GPR174: variants seen among roughly 807,000 people sequenced by gnomAD.
GPR174 encodes G protein-coupled receptor 174.
Under a neutral mutation model 16.5 loss-of-function variants are expected in GPR174, and 8 were observed. That is an observed-to-expected ratio of 0.48 (90% CI 0.28 to 0.87). GPR174 has a LOEUF of 0.87. Ranked by LOEUF, GPR174 falls within the 40% of genes least tolerant of loss-of-function variation. The pLI, the probability that GPR174 is intolerant of heterozygous loss-of-function variation, is 0.09. For missense variants in GPR174, 214 were observed against 247.5 expected (o/e 0.86, Z 0.91); for synonymous variants, 111 against 94.8 (o/e 1.17, Z -0.99).
intron 2 of GPR174, among the ~76,000 whole-genome samples, chrX:79,158,825 T>C (rs1303604498): frequency 9.3e-6 from 1 of 107,738 alleles, no homozygotes; most frequent in Non-Finnish European, 1.9e-5. Context: ...ACCTACTATT[T>C]GATAGCACAG....
rs1921610110 is a variant in GPR174, at chrX:79,175,101, A to G, written c.*3092A>G. On this transcript the variant is annotated 3_prime_UTR_variant, in exon 3 of 3. Transcript: ENST00000645147. ...AAGCAGCCAATTCTGTTAGCTGGTA[A>G]TTCCACAAAGAGAAGCCATCTGCCC... 9.0e-6 allele frequency: 1 copy of G among 111,183 alleles called. No individual in the cohort carries two copies. The highest frequency in any genetic ancestry group is 3.3e-5 in the African/African-American group (1 of 30,589). The allele number at this position is 111,183 out of a possible 1,213,427, so 9.2% of individuals were successfully genotyped here.
At chrX:79,161,880 G>A (rs956277487) in intron 2 of GPR174, among the ~76,000 whole-genome samples, 1 of 111,489 alleles carries the variant, frequency 9.0e-6, no homozygotes, top group African/African-American at 3.3e-5. Context: ...AAGAAGTGTG[G>A]TCTACTCCAT....
chrX:79,164,401 GTCAT>G lies in GPR174; in HGVS notation c.-556-6050_-556-6047del, dbSNP rs767565631. Among the ~76,000 whole-genome samples the G allele has an allele frequency of 6.6e-3, 744 of 112,034 alleles. 2 individuals carry two copies. Among genetic ancestry groups the G allele is most frequent in the South Asian group, 0.014 (37 of 2,675 alleles). Reference sequence around the variant, plus strand: ...GGTGGCTTGTGCCAGACACAGAGTTGTCATCACTGGTGGAAGATTACTTAAAGAG... The same window carrying G: ...GGTGGCTTGTGCCAGACACAGAGTTGCACTGGTGGAAGATTACTTAAAGAG... On this transcript the variant is annotated intron_variant, in intron 2 of 2. Transcript: ENST00000645147.
At chrX:79,165,724 C>T (rs1370391136) in intron 2 of GPR174, among the ~76,000 whole-genome samples, 3 of 111,019 alleles carry the variant, frequency 2.7e-5, no homozygotes, top group South Asian at 3.9e-4. Flanking sequence ...GGTCTTTCTA[C>T]CAGACCCCAT....
At chrX:79,149,065 T>G (rs957634425) in intron 1 of GPR174, among the ~76,000 whole-genome samples, 3 of 112,122 alleles carry the variant, frequency 2.7e-5, no homozygotes, top group Non-Finnish European at 5.6e-5. Context: ...TTTTTACAAT[T>G]AAATATTATG....
At chrX:79,158,444 TTTTC>T (rs147823029) in intron 2 of GPR174, among the ~76,000 whole-genome samples, 42,890 of 93,687 alleles carry the variant, frequency 0.46, 8,198 homozygotes, top group Non-Finnish European at 0.55. Context: ...CTTTCTTTCT[TTTTC>T]TTTTTTTTTT....
At chrX:79,151,239 C>T (rs1926594837) in intron 1 of GPR174, among the ~76,000 whole-genome samples, 1 of 111,324 alleles carries the variant, frequency 9.0e-6, no homozygotes, top group Admixed American at 9.6e-5. Flanking sequence ...GGGCAAGATG[C>T]CTTACATCAT....
chrX:79,158,859 T>A (rs2147452931), intron 2 of GPR174, among the ~76,000 whole-genome samples: 1 of 108,043 alleles, frequency 9.3e-6, no homozygotes, highest in South Asian at 4.0e-4. Context: ...GTCAATAACT[T>A]AATTGTACAT....
intron 1 of GPR174, among the ~76,000 whole-genome samples, chrX:79,149,556 T>A (rs1438632968): frequency 8.9e-6 from 1 of 112,002 alleles, no homozygotes; most frequent in African/African-American, 3.2e-5. Flanking sequence ...AGTAATACCT[T>A]TCTCTCTGAA....
intron 2 of GPR174, among the ~76,000 whole-genome samples, chrX:79,169,003 G>A (rs1197247681): frequency 1.8e-5 from 2 of 111,330 alleles, no homozygotes; most frequent in African/African-American, 3.3e-5. Context: ...ACTAAGTAAA[G>A]CTTCAGATTT....
At position 79,172,692 on chromosome X, in the gene GPR174, A is replaced by G. The variant is rs979052724; in HGVS notation, c.*683A>G. 2.7e-5 allele frequency: 3 copies of G among 111,817 alleles called. No individual in the cohort carries two copies. The highest frequency in any genetic ancestry group is 9.8e-5 in the African/African-American group (3 of 30,704). The allele number at this position is 111,817 out of a possible 1,213,427, so 9.2% of individuals were successfully genotyped here. A position where few individuals can be genotyped will look rare whatever the true frequency, so the allele number is the denominator to read the frequency against. Reference sequence around the variant, plus strand: ...AACAATATACATATTTACATACGACAACCCTCTGTGACTGGAAAAGATGCC... The same window carrying G: ...AACAATATACATATTTACATACGACGACCCTCTGTGACTGGAAAAGATGCC... On this transcript the variant is annotated 3_prime_UTR_variant, in exon 3 of 3. Coordinates refer to ENST00000645147, the MANE Select transcript of GPR174 (RefSeq NM_032553.3).
rs1926467126 is a variant in GPR174, at chrX:79,145,012, TTC to T, written c.-857_-856del. On this transcript the variant is annotated 5_prime_UTR_variant, in exon 1 of 3. Coordinates refer to ENST00000645147, the MANE Select transcript of GPR174 (RefSeq NM_032553.3). ...TTTCTTTCTCTCTCTCTCTCTTTCTTTCTTTCTTTCTTTCTTTCTTTCTTTCT... is the reference window on the plus strand; with the variant it reads ...TTTCTTTCTCTCTCTCTCTCTTTCTTTTTCTTTCTTTCTTTCTTTCTTTCT... 1 of 19,334 alleles carries T rather than the reference TTC, an allele frequency of 5.2e-5. No homozygotes were observed. The highest frequency in any genetic ancestry group is 8.6e-5 in the Non-Finnish European group (1 of 11,684). 1.6% of individuals were successfully genotyped at this position (19,334 alleles called of 1,213,427 possible). A position where few individuals can be genotyped will look rare whatever the true frequency, so the allele number is the denominator to read the frequency against.
intron 1 of GPR174, among the ~76,000 whole-genome samples, chrX:79,150,886 A>T (rs893173104): frequency 1.8e-5 from 2 of 111,053 alleles, no homozygotes; most frequent in African/African-American, 6.6e-5. Flanking sequence ...ATGATTTCGG[A>T]TTTTGGACGT....
At chrX:79,163,517 T>A (rs1328971187) in intron 2 of GPR174, among the ~76,000 whole-genome samples, 1 of 111,721 alleles carries the variant, frequency 9.0e-6, no homozygotes, top group African/African-American at 3.3e-5. Context: ...GTTTCCTAGA[T>A]GATTTGTAAC....
chrX:79,165,709 T>C (rs1021125674), intron 2 of GPR174, among the ~76,000 whole-genome samples: 17 of 111,302 alleles, frequency 1.5e-4, no homozygotes, highest in Admixed American at 1.1e-3. Flanking sequence ...TTCCATTCCA[T>C]GCTTGGTCTT....
At chrX:79,148,496 A>G (rs1307145828) in intron 1 of GPR174, among the ~76,000 whole-genome samples, 1 of 111,572 alleles carries the variant, frequency 9.0e-6, no homozygotes, top group Admixed American at 9.5e-5. Context: ...AGCTAATCAC[A>G]TGTTACCAGA....
intron 2 of GPR174, among the ~76,000 whole-genome samples, chrX:79,170,056 C>T (rs1466549856): frequency 8.9e-6 from 1 of 111,783 alleles, no homozygotes; most frequent in East Asian, 2.8e-4. Context: ...TTAACCTTCC[C>T]CAGATGATTC....
At chrX:79,150,503 T>C (rs1271669113) in intron 1 of GPR174, among the ~76,000 whole-genome samples, 3 of 111,981 alleles carry the variant, frequency 2.7e-5, no homozygotes, top group Non-Finnish European at 5.6e-5. Context: ...TTGCATGCAT[T>C]AACCCACTTG....
Position 79,156,824 on chromosome X carries a change from A to T in GPR174, c.-651A>T, listed in dbSNP as rs1435968443. The stretch of plus-strand genomic sequence containing the variant: ...ACTGCTTTTCTATGTTTTTCAAGGC[A>T]TGAATGAATTAATCGTGCCAGATTC... On this transcript the variant is annotated splice_region_variant and 5_prime_UTR_variant, in exon 2 of 3. An upstream start codon of the reference 5' UTR is lost. Transcript: ENST00000645147. 8.9e-6 allele frequency: 1 copy of T among 112,121 alleles called. No individual in the cohort carries two copies. The highest frequency in any genetic ancestry group is 1.9e-5 in the Non-Finnish European group (1 of 53,242). 9.2% of individuals were successfully genotyped at this position (112,121 alleles called of 1,213,427 possible).
Sources: gnomAD v4.1 joint callset for allele counts (sites outside exome capture counted in the v4.1 genomes callset) on GRCh38, gnomAD v4.1.1 for gene constraint, MANE v1.5 for transcripts, NCBI Gene and HGNC (gene_info 2026-07-23, HGNC 2026-07-21) for gene names.